Variants in DPYD observed in about 807,000 individuals in gnomAD.
DPYD encodes dihydropyrimidine dehydrogenase [NADP(+)].
In DPYD, 109 loss-of-function variants were observed where a neutral mutation model predicts 116.2. That is an observed-to-expected ratio of 0.94 (90% confidence interval 0.80 to 1.10). The LOEUF is 1.10. Ranked by LOEUF, DPYD falls within the 50% of genes least tolerant of loss-of-function variation. The probability of loss-of-function intolerance (pLI) is 0.00; values close to 1 mark genes in which losing one functional copy is unlikely to be tolerated. For missense variants in DPYD, 1,302 were observed against 1,254.5 expected (o/e 1.04, Z -0.57); for synonymous variants, 440 against 432.0 (o/e 1.02, Z -0.23).
intron 2 of DPYD, among the ~76,000 whole-genome samples, chr1:97,867,206 C>A (rs377593385): frequency 6.6e-6 from 1 of 151,768 alleles, no homozygotes. Flanking sequence ...CGAGTGCCTG[C>A]TTCTGTCAGT....
intron 13 of DPYD, among the ~76,000 whole-genome samples, chr1:97,499,045 C>T (rs1399057799): frequency 6.6e-6 from 1 of 151,524 alleles, no homozygotes; most frequent in Non-Finnish European, 1.5e-5. Context: ...AAGTTATTTT[C>T]ATGAGGACTA....
At chr1:97,621,670 C>T (rs959906018) in intron 8 of DPYD, among the ~76,000 whole-genome samples, 2 of 151,904 alleles carry the variant, frequency 1.3e-5, no homozygotes, top group African/African-American at 2.4e-5. Context: ...CACTTAGCTC[C>T]CAGATCTTGA....
chr1:97,430,286 T>C (rs926156444), intron 14 of DPYD, among the ~76,000 whole-genome samples: 2 of 152,186 alleles, frequency 1.3e-5, no homozygotes, highest in Non-Finnish European at 2.9e-5. Flanking sequence ...AATTCTAGTG[T>C]GTGACTTGAA....
intron 20 of DPYD, among the ~76,000 whole-genome samples, chr1:97,156,927 C>T (rs1231798391): frequency 2.0e-5 from 3 of 151,768 alleles, no homozygotes; most frequent in Non-Finnish European, 4.4e-5. Context: ...CCATGGAATA[C>T]TATGCAGCCA....
chr1:97,159,857 T>A (rs1002683753), intron 20 of DPYD, among the ~76,000 whole-genome samples: 1 of 152,000 alleles, frequency 6.6e-6, no homozygotes, highest in East Asian at 1.9e-4. Flanking sequence ...AACAGACATA[T>A]GATTATTCAG....
intron 14 of DPYD, among the ~76,000 whole-genome samples, chr1:97,403,130 TA>T (rs1673461493): frequency 6.6e-6 from 1 of 152,076 alleles, no homozygotes; most frequent in African/African-American, 2.4e-5. Flanking sequence ...TATAATCAGT[TA>T]AAAAGTACAG....
At chr1:97,197,391 G>A (rs1466047284) in intron 19 of DPYD, among the ~76,000 whole-genome samples, 1 of 152,000 alleles carries the variant, frequency 6.6e-6, no homozygotes, top group Non-Finnish European at 1.5e-5. Context: ...CTTTACTATA[G>A]TCTTAAAATA....
intron 8 of DPYD, among the ~76,000 whole-genome samples, chr1:97,666,712 G>T (rs1046440936): frequency 6.6e-6 from 1 of 152,102 alleles, no homozygotes; most frequent in Non-Finnish European, 1.5e-5. Flanking sequence ...AGCAAGGTTG[G>T]TTTCTCACCA....
intron 8 of DPYD, among the ~76,000 whole-genome samples, chr1:97,606,678 C>T (rs1204622088): frequency 6.6e-6 from 1 of 151,856 alleles, no homozygotes; most frequent in African/African-American, 2.4e-5. Context: ...TTGGATTTTA[C>T]ACTGAGGAAA....
At chr1:97,606,889 G>A (rs1181500017) in intron 8 of DPYD, among the ~76,000 whole-genome samples, 1 of 151,858 alleles carries the variant, frequency 6.6e-6, no homozygotes, top group Non-Finnish European at 1.5e-5. Context: ...GCATTGCAGG[G>A]GGTATCCATA....
chr1:97,570,091 G>C (rs1349069593), intron 11 of DPYD, among the ~76,000 whole-genome samples: 4 of 151,742 alleles, frequency 2.6e-5, no homozygotes, highest in East Asian at 1.9e-4. Context: ...AGATATATTA[G>C]GTGTATAACA....
chr1:97,488,206 T>C (rs1000477532), intron 13 of DPYD, among the ~76,000 whole-genome samples: 1 of 152,178 alleles, frequency 6.6e-6, no homozygotes, highest in Non-Finnish European at 1.5e-5. Flanking sequence ...TAAATCTATT[T>C]ATACAATATT....
chr1:97,736,035 A>C (rs907088085), intron 4 of DPYD, among the ~76,000 whole-genome samples: 7 of 152,104 alleles, frequency 4.6e-5, no homozygotes, highest in South Asian at 2.1e-4. Flanking sequence ...AGACAGTGAG[A>C]TATTTCCCAA....
chr1:97,671,361 C>A (rs1057450748), intron 8 of DPYD, among the ~76,000 whole-genome samples: 20 of 151,968 alleles, frequency 1.3e-4, no homozygotes, highest in Non-Finnish European at 2.6e-4. Flanking sequence ...TAAAAATTAA[C>A]CAAAAATACT....
At chr1:97,198,280 T>G (rs1176878531) in intron 19 of DPYD, among the ~76,000 whole-genome samples, 1 of 152,050 alleles carries the variant, frequency 6.6e-6, no homozygotes, top group Non-Finnish European at 1.5e-5. Context: ...AAATGCTGAC[T>G]GCAAAAAAAA....
intron 14 of DPYD, among the ~76,000 whole-genome samples, chr1:97,396,562 G>A (rs1047940478): frequency 3.9e-5 from 6 of 151,986 alleles, no homozygotes; most frequent in African/African-American, 1.4e-4. Flanking sequence ...TTAGAGGAAA[G>A]AATGAGTGAG....
At chr1:97,815,270 T>C (rs1668544282) in intron 3 of DPYD, among the ~76,000 whole-genome samples, 1 of 152,184 alleles carries the variant, frequency 6.6e-6, no homozygotes, top group African/African-American at 2.4e-5. Flanking sequence ...GATGAAAGTA[T>C]GGCAGTTATC....
intron 8 of DPYD, among the ~76,000 whole-genome samples, chr1:97,654,731 T>G: frequency 6.6e-6 from 1 of 152,066 alleles, no homozygotes; most frequent in East Asian, 1.9e-4. Context: ...GTGAAAATAG[T>G]CAATAAAAAT....
At chr1:97,893,785 T>C (rs896548803) in intron 1 of DPYD, among the ~76,000 whole-genome samples, 4 of 151,650 alleles carry the variant, frequency 2.6e-5, no homozygotes, top group Admixed American at 6.6e-5. Context: ...AGGAAGCTCT[T>C]CGTCTGTCTT....
Sources: gnomAD v4.1 joint callset for allele counts (sites outside exome capture counted in the v4.1 genomes callset) on GRCh38, gnomAD v4.1.1 for gene constraint, MANE v1.5 for transcripts, NCBI Gene and HGNC (gene_info 2026-07-23, HGNC 2026-07-21) for gene names.